The following MCCC1 variants were observed in gnomAD, a reference collection of about 807,000 sequenced individuals.
MCCC1 encodes methylcrotonoyl-CoA carboxylase subunit alpha, mitochondrial.
In MCCC1, 64 loss-of-function variants were observed where a neutral mutation model predicts 83.8. That is an observed-to-expected ratio of 0.76 (90% CI 0.62 to 0.94). MCCC1 has a LOEUF of 0.94. MCCC1 is among the 40% of genes least tolerant of loss of function. The pLI, the probability that MCCC1 is intolerant of heterozygous loss-of-function variation, is 0.00. For missense variants in MCCC1, 807 were observed against 904.7 expected (o/e 0.89, Z 1.39); for synonymous variants, 322 against 315.4 (o/e 1.02, Z -0.22).
chr3:183,101,291 C>A (rs1424395517), upstream of MCCC1, among the ~76,000 whole-genome samples: 1 of 152,244 alleles, frequency 6.6e-6, no homozygotes, highest in African/African-American at 2.4e-5. Flanking sequence ...GAGCGCACGG[C>A]GGCGCAGGAC....
At chr3:183,107,371 G>C (rs1262352865) in intron 1 of MCCC1, among the ~76,000 whole-genome samples, 1 of 148,624 alleles carries the variant, frequency 6.7e-6, no homozygotes, top group Non-Finnish European at 1.5e-5. Flanking sequence ...TCGTGCCTTT[G>C]CACTCCAGCC....
intron 4 of MCCC1, among the ~76,000 whole-genome samples, chr3:183,080,303 T>C (rs1461717456): frequency 1.3e-5 from 2 of 152,238 alleles, no homozygotes; most frequent in South Asian, 2.1e-4. Context: ...AGTCGTCTCT[T>C]GAATGCTTTT....
upstream of MCCC1, chr3:183,099,564 A>G (rs1719013864): frequency 1.0e-5 from 12 of 1,146,538 alleles, no homozygotes; most frequent in South Asian, 1.1e-4. Flanking sequence ...GCCTGAGCCT[A>G]CCTTTGGGCT....
chr3:183,110,805 T>C (rs1719479634), intron 1 of MCCC1, among the ~76,000 whole-genome samples: 1 of 152,238 alleles, frequency 6.6e-6, no homozygotes, highest in Non-Finnish European at 1.5e-5. Context: ...CATCTTGGGT[T>C]AATTTTTGTG....
intron 9 of MCCC1, among the ~76,000 whole-genome samples, chr3:183,051,541 C>T (rs946777728): frequency 2.0e-5 from 3 of 152,052 alleles, no homozygotes; most frequent in Non-Finnish European, 4.4e-5. Flanking sequence ...AGACAGAGCA[C>T]AGAGGATATT....
chr3:183,054,462 C>T (rs1194968533), intron 8 of MCCC1, among the ~76,000 whole-genome samples: 1 of 152,148 alleles, frequency 6.6e-6, no homozygotes, highest in African/African-American at 2.4e-5. Flanking sequence ...GCTGGGATTA[C>T]AGGCGTGAGC....
intron 17 of MCCC1, among the ~76,000 whole-genome samples, chr3:183,018,087 C>A (rs879461848): frequency 8.9e-5 from 9 of 100,838 alleles, no homozygotes; most frequent in African/African-American, 3.7e-4. Flanking sequence ...CAAATGTACT[C>A]GTCAAATAAG....
chr3:183,062,582 T>C (rs529085866), intron 7 of MCCC1, among the ~76,000 whole-genome samples: 1 of 152,256 alleles, frequency 6.6e-6, no homozygotes, highest in South Asian at 2.1e-4. Context: ...CTCGAACTCC[T>C]GAGCTCAGGC....
chr3:183,087,606 T>A (rs1717983885), intron 3 of MCCC1, among the ~76,000 whole-genome samples: 1 of 152,118 alleles, frequency 6.6e-6, no homozygotes, highest in Admixed American at 6.6e-5. Flanking sequence ...CCGGGCATGG[T>A]GGCTCACGCC....
In MCCC1 at chr3:183,045,471, A is replaced by G; in HGVS notation, c.1025T>C (p.Val342Ala). ...GATCATCTCAGTAACAGGATGTTCC[A>G]CTTGCAGCCTTGTATTCATCTCCAT... ...CFMEMNTRLQ[V>A]EHPVTEMITG... Residue 342 changes from valine to alanine, a missense_variant, in exon 10 of 19, where the codon GTG becomes GCG. Coordinates refer to ENST00000265594, the MANE Select transcript of MCCC1 (RefSeq NM_020166.5). 6.2e-7 allele frequency: 1 copy of G among 1,614,178 alleles called. No individual in the cohort carries two copies. Among genetic ancestry groups the G allele is most frequent in the East Asian group, 2.2e-5 (1 of 44,888 alleles).
chr3:183,106,295 AT>A (rs1477355502), intron 1 of MCCC1, among the ~76,000 whole-genome samples: 5 of 152,164 alleles, frequency 3.3e-5, no homozygotes, highest in African/African-American at 1.2e-4. Context: ...GCTTACTCCC[AT>A]TGCAATGGCT....
At chr3:183,049,263 G>GA (rs1486892875) in intron 9 of MCCC1, among the ~76,000 whole-genome samples, 3 of 151,912 alleles carry the variant, frequency 2.0e-5, no homozygotes, top group Middle Eastern at 3.4e-3. Flanking sequence ...ATTGAAAATG[G>GA]AAAATCAATA....
At chr3:183,093,377 A>G (rs1718506749) in intron 2 of MCCC1, among the ~76,000 whole-genome samples, 1 of 152,198 alleles carries the variant, frequency 6.6e-6, no homozygotes, top group Non-Finnish European at 1.5e-5. Flanking sequence ...CAGCTAAAGA[A>G]ACAATCTGGG....
Position 183,015,923 on chromosome 3 carries a change from TTG to T in MCCC1, c.2050-359_2050-358del, listed in dbSNP as rs1491513516. Among the ~76,000 whole-genome samples, 13 of 150,226 alleles carry T rather than the reference TTG, an allele frequency of 8.7e-5. No individual in the cohort carries two copies. In the East Asian group the frequency reaches 2.0e-3, roughly 23 times the overall value. On this transcript the variant is annotated intron_variant, in intron 18 of 18. Coordinates refer to ENST00000265594, the MANE Select transcript of MCCC1 (RefSeq NM_020166.5). ...TTTGCTTGCTTTTGTTTTTTTTTTTTTGTTTTTTGTTGTTGTTGCTGTTGAGA... is the reference window on the plus strand; with the variant it reads ...TTTGCTTGCTTTTGTTTTTTTTTTTTTTTTTTGTTGTTGTTGCTGTTGAGA...
Position 183,015,529 on chromosome 3 carries a change from T to G in MCCC1, c.2087A>C (p.Lys696Thr). Residue 696 changes from lysine (K) to threonine (T), a missense_variant, in exon 19 of 19, where the codon AAA (lysine) becomes ACA (threonine). By Grantham distance (78) the Lys-to-Thr change is moderately conservative (BLOSUM62 -1). Coordinates refer to ENST00000265594, the MANE Select transcript of MCCC1 (RefSeq NM_020166.5). ...IKSPKDGTVKKVFYREGAQAN... is the reference protein window; with the variant it reads ...IKSPKDGTVKTVFYREGAQAN... ...CTGAGCACCTTCTCTGTAGAACACT[T>G]TCTTTACTGTGCCATCCTTTGGAGA... 1 of 1,614,144 alleles carries G rather than the reference T, an allele frequency of 6.2e-7. No individual in the cohort carries two copies. The highest frequency in any genetic ancestry group is 1.1e-5 in the South Asian group (1 of 91,076).
At chr3:183,024,285 A>G (rs79840487) in intron 15 of MCCC1, among the ~76,000 whole-genome samples, 3,981 of 152,162 alleles carry the variant, frequency 0.026, 189 homozygotes, top group African/African-American at 0.092. Flanking sequence ...TTAAGATATT[A>G]TTTGTTTTTT....
intron 1 of MCCC1, among the ~76,000 whole-genome samples, chr3:183,097,022 G>A (rs1158859909): frequency 6.6e-6 from 1 of 152,162 alleles, no homozygotes; most frequent in Non-Finnish European, 1.5e-5. Flanking sequence ...AGAAGGGAGA[G>A]AGGGAAAAAG....
At chr3:183,096,332 T>A (rs958683150) in intron 1 of MCCC1, among the ~76,000 whole-genome samples, 1 of 150,612 alleles carries the variant, frequency 6.6e-6, no homozygotes. Flanking sequence ...TGAGACTCCA[T>A]CTCAAAAAAA....
chr3:183,036,595 AGTG>A (rs1427027620), intron 13 of MCCC1, among the ~76,000 whole-genome samples: 1 of 141,312 alleles, frequency 7.1e-6, no homozygotes, highest in Non-Finnish European at 1.5e-5. Context: ...GCTGGAGTGC[AGTG>A]GCGCGATCTC....
Sources: allele counts gnomAD v4.1 joint callset (sites outside exome capture counted in the v4.1 genomes callset), GRCh38; gene constraint gnomAD v4.1.1; transcripts MANE v1.5; gene names NCBI Gene and HGNC (gene_info 2026-07-23, HGNC 2026-07-21).